Variants in GPHN observed in about 807,000 individuals in gnomAD.
The protein encoded by GPHN is gephyrin.
In GPHN, 17 loss-of-function variants were observed where a neutral mutation model predicts 95.5. The ratio of observed to expected loss-of-function variants is 0.18; its 90% confidence interval spans 0.12 to 0.27. The LOEUF (loss-of-function observed/expected upper bound fraction) is 0.27. GPHN is among the 10% of genes least tolerant of loss of function. The probability of loss-of-function intolerance (pLI) is 1.00; values close to 1 mark genes in which losing one functional copy is unlikely to be tolerated. For missense variants in GPHN, 660 were observed against 978.1 expected (o/e 0.67, Z 4.34); for synonymous variants, 320 against 322.5 (o/e 0.99, Z 0.08).
intron 4 of GPHN, among the ~76,000 whole-genome samples, chr14:66,841,610 G>A (rs1439903756): frequency 3.3e-5 from 5 of 152,164 alleles, no homozygotes; most frequent in South Asian, 2.1e-4. Context: ...TTAGAAGAAT[G>A]TAGTTTCCAT....
the GPHN span, chr14:67,586,833 G>A: frequency 6.7e-7 from 1 of 1,482,308 alleles, no homozygotes; most frequent in Middle Eastern, 1.8e-4. Flanking sequence ...AGAACACTGG[G>A]CCTCCTTTTC....
At chr14:67,571,605 G>T in the GPHN span, 6 of 693,332 alleles carry the variant, frequency 8.7e-6, no homozygotes, top group Admixed American at 1.3e-4. Flanking sequence ...AGGCCAGGAG[G>T]GACCTTACAC....
the GPHN span, among the ~76,000 whole-genome samples, chr14:67,550,627 G>A: frequency 1.3e-5 from 2 of 152,198 alleles, no homozygotes; most frequent in Non-Finnish European, 1.5e-5. Flanking sequence ...GTGAGGGGAA[G>A]GGCTAAAGCC....
chr14:66,878,907 CAT>C (rs1378628615), intron 4 of GPHN, among the ~76,000 whole-genome samples: 1 of 152,108 alleles, frequency 6.6e-6, no homozygotes, highest in Non-Finnish European at 1.5e-5. Flanking sequence ...CACATGCACA[CAT>C]ATGTTTATTG....
At chr14:67,358,323 A>T in the GPHN span, among the ~76,000 whole-genome samples, 1 of 152,100 alleles carries the variant, frequency 6.6e-6, no homozygotes, top group East Asian at 1.9e-4. Context: ...AGGTGAAGGT[A>T]AAAAATTTAA....
chr14:67,116,332 A>G (rs1024931009), intron 16 of GPHN, among the ~76,000 whole-genome samples: 1 of 151,886 alleles, frequency 6.6e-6, no homozygotes, highest in Non-Finnish European at 1.5e-5. Flanking sequence ...AAAGAAACAG[A>G]AGGAAAAGAA....
chr14:67,617,971 G>A, the GPHN span, among the ~76,000 whole-genome samples: 4 of 152,170 alleles, frequency 2.6e-5, no homozygotes, highest in South Asian at 2.1e-4. Context: ...CACCTGCCTC[G>A]GCCTCCCAAA....
chr14:67,610,756 C>T, the GPHN span, among the ~76,000 whole-genome samples: 2 of 152,150 alleles, frequency 1.3e-5, no homozygotes, highest in Admixed American at 6.5e-5. Flanking sequence ...ATTCTATCCC[C>T]AGCCAATCGT....
intron 2 of GPHN, among the ~76,000 whole-genome samples, chr14:66,713,358 G>T (rs1231361473): frequency 1.3e-5 from 2 of 152,156 alleles, no homozygotes; most frequent in Non-Finnish European, 2.9e-5. Flanking sequence ...CATGTGGCTA[G>T]CCAATTATCC....
At chr14:66,593,397 A>G (rs2061840407) in intron 1 of GPHN, among the ~76,000 whole-genome samples, 1 of 152,146 alleles carries the variant, frequency 6.6e-6, no homozygotes, top group African/African-American at 2.4e-5. Context: ...TGGAGCCCTC[A>G]GGAAACTTAC....
intron 3 of GPHN, among the ~76,000 whole-genome samples, chr14:66,815,740 A>G (rs1460447161): frequency 1.3e-5 from 2 of 152,208 alleles, no homozygotes; most frequent in Non-Finnish European, 2.9e-5. Context: ...GACACTAGAA[A>G]GCAACCACAT....
chr14:67,647,918 A>G, the GPHN span: 3 of 898,956 alleles, frequency 3.3e-6, no homozygotes, highest in Non-Finnish European at 4.9e-6. Context: ...ATGTATTAAC[A>G]GCTTTATTAA....
chr14:66,854,818 G>T (rs1396503213), intron 4 of GPHN, among the ~76,000 whole-genome samples: 2 of 149,516 alleles, frequency 1.3e-5, no homozygotes, highest in African/African-American at 4.9e-5. Flanking sequence ...GGCAAAATAT[G>T]TATAGCACAA....
At chr14:67,600,868 C>G in the GPHN span, among the ~76,000 whole-genome samples, 1 of 152,204 alleles carries the variant, frequency 6.6e-6, no homozygotes, top group Non-Finnish European at 1.5e-5. Flanking sequence ...CGTGAGCCAC[C>G]GCACCCAGCC....
the GPHN span, among the ~76,000 whole-genome samples, chr14:67,203,852 C>T: frequency 1.3e-5 from 2 of 152,192 alleles, no homozygotes; most frequent in African/African-American, 4.8e-5. Flanking sequence ...TCTGGGACTA[C>T]AGGCACACAC....
At chr14:66,629,123 A>ACACACG (rs2063644766) in intron 1 of GPHN, among the ~76,000 whole-genome samples, 1 of 136,644 alleles carries the variant, frequency 7.3e-6, no homozygotes, top group Middle Eastern at 3.3e-3. Context: ...ATATATAAAT[A>ACACACG]TGTATATAAA....
the GPHN span, chr14:67,201,713 T>C: frequency 2.6e-5 from 9 of 349,264 alleles, no homozygotes; most frequent in East Asian, 6.9e-4. Flanking sequence ...AAAACCAGGA[T>C]TCTGTTAATC....
chr14:67,019,916 G>C (rs1195395554), intron 9 of GPHN, among the ~76,000 whole-genome samples: 2 of 152,140 alleles, frequency 1.3e-5, no homozygotes, highest in East Asian at 3.8e-4. Context: ...CTACGCTTTC[G>C]TGTGTCCTGC....
At chr14:67,558,861 T>A in the GPHN span, among the ~76,000 whole-genome samples, 1 of 152,262 alleles carries the variant, frequency 6.6e-6, no homozygotes, top group Non-Finnish European at 1.5e-5. Context: ...AAAGCTGCTG[T>A]TGTAACATGG....
Sources: gnomAD v4.1 joint callset for allele counts (sites outside exome capture counted in the v4.1 genomes callset) on GRCh38, gnomAD v4.1.1 for gene constraint, MANE v1.5 for transcripts, NCBI Gene and HGNC (gene_info 2026-07-23, HGNC 2026-07-21) for gene names.